Variants in PLXNB1 observed in about 807,000 individuals in gnomAD.
The protein encoded by PLXNB1 is plexin B1, also known as plexin-B1.
PLXNB1 carries 106 observed loss-of-function variants against 209.4 expected under a neutral mutation model. That is an observed-to-expected ratio of 0.51 (90% CI 0.43 to 0.59). PLXNB1 has a LOEUF of 0.59. PLXNB1 is among the 20% of genes least tolerant of loss of function. The pLI is 0.00. For missense variants in PLXNB1, 2,357 were observed against 2,853.2 expected (o/e 0.83, Z 3.96); for synonymous variants, 1,167 against 1,183.2 (o/e 0.99, Z 0.28).
rs1575409765 is a variant in PLXNB1, at chr3:48,423,737, A to G, written c.875T>C (p.Val292Ala). ...ATSREVAHGE[V>A]LFAAFSSAAP... is the part of the protein sequence containing the mutation. Reference sequence around the variant, plus strand: ...AGCCGAGGAGAAAGCTGCAAAGAGCACCTCCCCATGCGCCACCTCCCTGGA... The same window carrying G: ...AGCCGAGGAGAAAGCTGCAAAGAGCGCCTCCCCATGCGCCACCTCCCTGGA... Residue 292 changes from valine to alanine, a missense_variant, in exon 3 of 38, where the codon GTG becomes GCG. This residue lies in a region of PLXNB1 where 404 missense variants were observed against 443.6 expected (regional missense o/e 0.91). Transcript: ENST00000296440. The G allele has an allele frequency of 1.9e-6, 3 of 1,613,574 alleles. No individual in the cohort carries two copies. The highest frequency in any genetic ancestry group is 2.5e-6 in the Non-Finnish European group (3 of 1,179,902).
chr3:48,414,045 G>C lies in PLXNB1; in HGVS notation c.4236C>G (p.Ser1412=). Residue 1412 remains serine (S), a synonymous_variant, in exon 22 of 38, where the codon TCC becomes TCG. Coordinates refer to ENST00000296440, the MANE Select transcript of PLXNB1 (RefSeq NM_001130082.3). Reference sequence around the variant, plus strand: ...CTATCATAGCCACCACCTCCTCCTTGGACATTGCAAGGTCCAGGTTCTCCC... The same window carrying C: ...CTATCATAGCCACCACCTCCTCCTTCGACATTGCAAGGTCCAGGTTCTCCC... The part of the protein sequence containing the change: ...VEGENLDLAM[S]KEEVVAMIGD... 6.2e-7 allele frequency: 1 copy of C among 1,613,870 alleles called. No individual in the cohort carries two copies. The highest frequency in any genetic ancestry group is 8.5e-7 in the Non-Finnish European group (1 of 1,179,928).
chr3:48,409,616 T>C lies in PLXNB1; in HGVS notation c.5894A>G (p.His1965Arg), dbSNP rs1002101464. Residue 1965 changes from histidine to arginine, a missense_variant, in exon 33 of 38, where the codon CAT (histidine) becomes CGT (arginine). His to Arg is a conservative substitution (Grantham distance 29, BLOSUM62 0). This residue lies in a region of PLXNB1 where 414 missense variants were observed against 520.5 expected (regional missense o/e 0.80). Transcript: ENST00000296440. The surrounding 1 kb of genome is among the most constrained non-coding windows in gnomAD (Gnocchi z 5.8). ...GATGGTGTCCTGGTCGGAGATGCCATGCTGCTGGGCCTGCTCATCCAGCAG... is the reference window on the plus strand; with the variant it reads ...GATGGTGTCCTGGTCGGAGATGCCACGCTGCTGGGCCTGCTCATCCAGCAG... ...FDLLDEQAQQ[H>R]GISDQDTIHI... is the part of the protein sequence containing the mutation. 1.3e-5 allele frequency: 21 copies of C among 1,613,784 alleles called. No homozygotes were observed. The highest frequency in any genetic ancestry group is 1.8e-5 in the Non-Finnish European group (21 of 1,179,978).
In PLXNB1 at chr3:48,410,099, G is replaced by C. The variant is rs910769356; in HGVS notation, c.5606-22C>G. On this transcript the variant is annotated intron_variant, in intron 31 of 37. Transcript: ENST00000296440. The surrounding 1 kb of genome is among the most constrained non-coding windows in gnomAD (Gnocchi z 6.4). ...GTCCCTGTGCCAAGAGCCCACAGCT[G>C]TCACCCCTCCCCAGGTGCCACCTCC... 3 of 1,556,240 alleles carry C rather than the reference G, an allele frequency of 1.9e-6. No homozygotes were observed. Among genetic ancestry groups the C allele is most frequent in the Non-Finnish European group, 2.6e-6 (3 of 1,147,012 alleles).
Position 48,414,857 on chromosome 3 carries a change from T to C in PLXNB1, c.4151A>G (p.Asn1384Ser). The C allele has an allele frequency of 1.2e-6, 2 of 1,613,786 alleles. No individual in the cohort carries two copies. Among genetic ancestry groups the C allele is most frequent in the Non-Finnish European group, 1.7e-6 (2 of 1,179,964 alleles). ...GAATGGCATGGTGGGGTCCTCAGGG[T>C]TGAGTGGCTGCAGGGTGGGGTCGGC... Reference protein sequence around the residue: ...YEADPTLQPLNPEDPTMPFRH... With the variant: ...YEADPTLQPLSPEDPTMPFRH... Residue 1384 changes from asparagine to serine, a missense_variant, in exon 21 of 38, where the codon AAC becomes AGC. Around this residue, in one of 7 missense-constraint regions of PLXNB1, gnomAD observed 743 missense variants for 896.2 expected, o/e 0.83. Coordinates refer to ENST00000296440, the MANE Select transcript of PLXNB1 (RefSeq NM_001130082.3).
At chr3:48,404,653 C>A in intron 37 of PLXNB1, 63 bp from the exon 38 acceptor site, 1 of 1,097,330 alleles carries the variant, frequency 9.1e-7, no homozygotes, top group Non-Finnish European at 1.3e-6. Context: ...CTGCAAAATT[C>A]AACAGCCCTC....
chr3:48,423,238 A>G (rs915147813), intron 3 of PLXNB1, among the ~76,000 whole-genome samples: 1 of 151,684 alleles, frequency 6.6e-6, no homozygotes, highest in Non-Finnish European at 1.5e-5. Context: ...AGAACCCCCA[A>G]ACACCCTCCC....
intron 2 of PLXNB1, 46 bp downstream of exon 2, chr3:48,425,235 T>A (rs1382190537): frequency 6.6e-6 from 1 of 151,842 alleles, no homozygotes; most frequent in Non-Finnish European, 1.5e-5. Context: ...TCAGAATAGG[T>A]AGGAGTCATG....
rs772340518 is a variant in PLXNB1, at chr3:48,422,425, T to A, written c.1325A>T (p.Tyr442Phe). 6.2e-7 allele frequency: 1 copy of A among 1,600,088 alleles called. No individual in the cohort carries two copies. The highest frequency in any genetic ancestry group is 2.2e-5 in the East Asian group (1 of 44,480). ...CCCCTGCTGGATGCTCTGTGTGGAG[T>A]ATGGGTGGCCATCGCTCCCTGGGCC... ...YLGPGSDGHP[Y>F]STQSIQQGSA... Residue 442 changes from tyrosine (Y) to phenylalanine (F), a missense_variant, in exon 5 of 38, where the codon TAC (tyrosine) becomes TTC (phenylalanine). Physicochemically the swap from Tyr to Phe is conservative, Grantham distance 22. Transcript: ENST00000296440.
At position 48,416,544 on chromosome 3, in the gene PLXNB1, G is replaced by T. The variant is rs2038115876; in HGVS notation, c.3375-93C>A. ...CCCTCTCCCTGCCCTACTGTCAGGT[G>T]GTCTTCCCCTTCCCATGCTCCATAA... On this transcript the variant is annotated intron_variant, in intron 16 of 37. Coordinates refer to ENST00000296440, the MANE Select transcript of PLXNB1 (RefSeq NM_001130082.3). This position sits in a 1 kb window ranked among gnomAD's most constrained non-coding sequence, Gnocchi z 4.1. The T allele has an allele frequency of 2.7e-6, 2 of 743,306 alleles. No homozygotes were observed. Among genetic ancestry groups the T allele is most frequent in the African/African-American group, 1.8e-5 (1 of 56,962 alleles). 46.0% of individuals were successfully genotyped at this position (743,306 alleles called of 1,614,324 possible). A position where few individuals can be genotyped will look rare whatever the true frequency, so the allele number is the denominator to read the frequency against.
chr3:48,430,217 C>T (rs2039127029), upstream of PLXNB1, among the ~76,000 whole-genome samples: 1 of 152,238 alleles, frequency 6.6e-6, no homozygotes, highest in African/African-American at 2.4e-5. Context: ...AGCCTATTTG[C>T]TCACCAGTAA....
Position 48,412,445 on chromosome 3 carries a change from C to A in PLXNB1, c.5030G>T (p.Arg1677Leu), listed in dbSNP as rs751201220. The change falls in exon 26 of 38, where the codon CGC becomes CTC. Residue 1677 changes from arginine (R) to leucine (L), a missense_variant. Physicochemically the swap from Arg to Leu is moderately radical, Grantham distance 102. Around this residue, in one of 7 missense-constraint regions of PLXNB1, gnomAD observed 65 missense variants for 127.6 expected, o/e 0.51. Transcript: ENST00000296440. Reference protein sequence around the residue: ...YVAKNPKLMLRRTETVVEKLL... With the variant: ...YVAKNPKLMLLRTETVVEKLL... ...CAGCCCCAACAGCCACACAGACCTG[C>A]GCAGCATCAGCTTGGGGTTCTTGGC... 1 of 1,613,366 alleles carries A rather than the reference C, an allele frequency of 6.2e-7. No homozygotes were observed. The highest frequency in any genetic ancestry group is 8.5e-7 in the Non-Finnish European group (1 of 1,180,000).
rs1298335883 is a variant in PLXNB1, at chr3:48,409,890, G to A, written c.5778+15C>T. The stretch of plus-strand genomic sequence containing the variant: ...TCTCAGCCCAGGCCCCACTACCTTG[G>A]CAGCCCCACCCCACCTTCATGGACA... On this transcript the variant is annotated intron_variant, in intron 32 of 37. Coordinates refer to ENST00000296440, the MANE Select transcript of PLXNB1 (RefSeq NM_001130082.3). The surrounding 1 kb of genome is among the most constrained non-coding windows in gnomAD (Gnocchi z 5.8). 2 of 1,535,792 alleles carry A rather than the reference G, an allele frequency of 1.3e-6. No homozygotes were observed. The highest frequency in any genetic ancestry group is 1.8e-5 in the African/African-American group (1 of 54,696).
chr3:48,414,745 G>A (rs975962577), intron 21 of PLXNB1, 54 bp downstream of exon 21: 2 of 1,588,474 alleles, frequency 1.3e-6, no homozygotes, highest in Non-Finnish European at 1.7e-6. Flanking sequence ...CAGCAGTGCT[G>A]TCCAGCCAAG....
intron 1 of PLXNB1, among the ~76,000 whole-genome samples, chr3:48,427,166 G>A (rs2038936140): frequency 6.6e-6 from 1 of 151,796 alleles, no homozygotes; most frequent in South Asian, 2.1e-4. Context: ...AGAGCCTTGG[G>A]AGATGAAAAA....
chr3:48,420,285 A>G, intron 10 of PLXNB1, 28 bp from the exon 11 acceptor site: 1 of 1,423,234 alleles, frequency 7.0e-7, no homozygotes, highest in South Asian at 1.2e-5. Context: ...GGAAGACAGG[A>G]AGGGCCACTC....
At position 48,409,422 on chromosome 3, in the gene PLXNB1, G is replaced by A. The variant is rs756628032; in HGVS notation, c.5994C>T (p.Asp1998=). ...CATCCATGTTATCAGATGTTTGCAC[G>A]TCGAACACAAACTGCGGGTTTTTTA... ...NIIKNPQFVF[D]VQTSDNMDAV... The change falls in exon 34 of 38, where the codon GAC becomes GAT. Residue 1998 remains aspartate, a synonymous_variant. Coordinates refer to ENST00000296440, the MANE Select transcript of PLXNB1 (RefSeq NM_001130082.3). This position sits in a 1 kb window ranked among gnomAD's most constrained non-coding sequence, Gnocchi z 5.8. 9 of 1,614,054 alleles carry A rather than the reference G, an allele frequency of 5.6e-6. No homozygotes were observed. The highest frequency in any genetic ancestry group is 7.6e-6 in the Non-Finnish European group (9 of 1,180,030).
At chr3:48,420,527 A>G (rs1575403790) in intron 10 of PLXNB1, 138 bp downstream of exon 10, 2 of 714,164 alleles carry the variant, frequency 2.8e-6, no homozygotes, top group East Asian at 2.7e-5. Context: ...GCTGTTCTCC[A>G]GGGAGTCCGT....
At chr3:48,423,061 A>C (rs2038641024) in intron 3 of PLXNB1, 114 bp from the exon 4 acceptor site, 2 of 897,356 alleles carry the variant, frequency 2.2e-6, no homozygotes, top group Non-Finnish European at 3.4e-6. Context: ...TCCCTGTACA[A>C]CTGTGTTTTC....
chr3:48,414,192 C>T, intron 21 of PLXNB1, 121 bp from the exon 22 acceptor site: 1 of 881,096 alleles, frequency 1.1e-6, no homozygotes, highest in South Asian at 1.5e-5. Flanking sequence ...TCTCAGCACC[C>T]TTCCCGAGTG....
Sources: allele counts gnomAD v4.1 joint callset (sites outside exome capture counted in the v4.1 genomes callset), GRCh38; gene constraint gnomAD v4.1.1; regional missense constraint gnomAD v4.1.1; non-coding constraint Gnocchi (gnomAD v3.1); transcripts MANE v1.5; gene names NCBI Gene and HGNC (gene_info 2026-07-23, HGNC 2026-07-21).